The following PIEZO2 variants were observed in gnomAD, a reference collection of about 807,000 sequenced individuals.
PIEZO2 encodes the protein piezo type mechanosensitive ion channel component 2.
In PIEZO2, 172 loss-of-function variants were observed where a neutral mutation model predicts 337.3. The ratio of observed to expected loss-of-function variants is 0.51; its 90% confidence interval spans 0.45 to 0.58. The LOEUF (loss-of-function observed/expected upper bound fraction) is 0.58, where lower values mean the gene tolerates loss of function less well. PIEZO2 is among the 20% of genes least tolerant of loss of function. The pLI, the probability that PIEZO2 is intolerant of heterozygous loss-of-function variation, is 0.00. For synonymous variants in PIEZO2, 1,251 were observed against 1,228.5 expected (o/e 1.02, Z -0.38); for missense variants, 3,028 against 3,391.3 (o/e 0.89, Z 2.66).
At chr18:10,756,017 GGAGGGATGGGGAT>G (rs2037827654) in intron 27 of PIEZO2, among the ~76,000 whole-genome samples, 1 of 145,536 alleles carries the variant, frequency 6.9e-6, no homozygotes, top group Non-Finnish European at 1.5e-5. Context: ...AGAATGAGGA[GGAGGGATGGGGAT>G]AAGGAGGAGG....
rs2144002246 is a variant in PIEZO2, at chr18:10,773,460, C to T, written c.2737G>A (p.Glu913Lys). Residue 913 changes from glutamate to lysine, a missense_variant, in exon 20 of 56, where the codon GAG (glutamate) becomes AAG (lysine). By Grantham distance (56) the Glu-to-Lys change is moderately conservative. This residue lies in a region of PIEZO2 where 1,925 missense variants were observed against 2,051.9 expected (regional missense o/e 0.94). Transcript: ENST00000674853. The surrounding 1 kb of genome is among the most constrained non-coding windows in gnomAD (Gnocchi z 5.3). ...DLGKDSEESE[E>K]DGEEEEESEE... Reference sequence around the variant, plus strand: ...GATTCCTCCTCTTCCTCTCCGTCCTCCTCTGACTCCTCGCTGTCTTTCCCA... The same window carrying T: ...GATTCCTCCTCTTCCTCTCCGTCCTTCTCTGACTCCTCGCTGTCTTTCCCA... 2 of 1,537,440 alleles carry T rather than the reference C, an allele frequency of 1.3e-6. No homozygotes were observed. Among genetic ancestry groups the T allele is most frequent in the Non-Finnish European group, 1.7e-6 (2 of 1,146,966 alleles).
At position 11,001,487 on chromosome 18, in the gene PIEZO2, A is replaced by G. The variant is rs1255696913; in HGVS notation, c.161-21827T>C. ...TCACTGTCAGACAGTGAAAATCACG[A>G]CTGTGATTATCCTCCAGTCCCCTAT... is the stretch of plus-strand genomic sequence containing the variant. On this transcript the variant is annotated intron_variant, in intron 2 of 55. Coordinates refer to ENST00000674853, the MANE Select transcript of PIEZO2 (RefSeq NM_001378183.1). The surrounding 1 kb of genome is among the most constrained non-coding windows in gnomAD (Gnocchi z 5.3). Among the ~76,000 whole-genome samples, 1 of 152,108 alleles carries G rather than the reference A, an allele frequency of 6.6e-6. No homozygotes were observed. The highest frequency in any genetic ancestry group is 2.4e-5 in the African/African-American group (1 of 41,426).
rs1349522964 is a variant in PIEZO2 at position 10,947,633 on chromosome 18, C to T, written c.286+31902G>A. 6.6e-5 allele frequency among the ~76,000 whole-genome samples: 10 copies of T among 151,742 alleles called. No individual in the cohort carries two copies. In the South Asian group the frequency reaches 1.0e-3, roughly 16 times the overall value. ...TCCTTCAGATGGAAGGAAATGATGC[C>T]GAATGAAACTGTGGGGGTACAAAAG... is the stretch of plus-strand genomic sequence containing the variant. On this transcript the variant is annotated intron_variant, in intron 3 of 55. Transcript: ENST00000674853.
intron 1 of PIEZO2, among the ~76,000 whole-genome samples, chr18:11,120,505 T>C (rs1003898819): frequency 1.3e-5 from 2 of 152,034 alleles, no homozygotes; most frequent in Admixed American, 6.6e-5. Flanking sequence ...AGTGCCTTGG[T>C]AGGGGCAAAG....
chr18:10,733,906 T>G (rs1056888933), intron 35 of PIEZO2, among the ~76,000 whole-genome samples: 2 of 152,254 alleles, frequency 1.3e-5, no homozygotes, highest in Admixed American at 1.3e-4. Flanking sequence ...ACCAGTAGCA[T>G]GCGTTCCTGA....
Position 10,862,254 on chromosome 18 carries a change from A to C in PIEZO2, c.493-5043T>G, listed in dbSNP as rs2041894199. ...AAATAAAAATAATAGAATACTGGAAAACATAGATAAAAGTTGCTGATTTCA... is the reference window on the plus strand; with the variant it reads ...AAATAAAAATAATAGAATACTGGAACACATAGATAAAAGTTGCTGATTTCA... On this transcript the variant is annotated intron_variant, in intron 5 of 55. Transcript: ENST00000674853. The surrounding 1 kb of genome is among the most constrained non-coding windows in gnomAD (Gnocchi z 4.4). Among the ~76,000 whole-genome samples the C allele has an allele frequency of 2.0e-5, 3 of 152,290 alleles. 1 individual carries two copies. Among genetic ancestry groups the C allele is most frequent in the Middle Eastern group, 6.8e-3 (2 of 294 alleles).
intron 42 of PIEZO2, among the ~76,000 whole-genome samples, chr18:10,702,404 G>C (rs551147528): frequency 6.6e-6 from 1 of 152,230 alleles, no homozygotes; most frequent in South Asian, 2.1e-4. Context: ...ATCCAGCAAG[G>C]CCAGTCAGAC....
At position 11,031,013 on chromosome 18, in the gene PIEZO2, G is replaced by A. The variant is rs1040835232; in HGVS notation, c.160+35114C>T. 1.3e-5 allele frequency among the ~76,000 whole-genome samples: 2 copies of A among 152,056 alleles called. No individual in the cohort carries two copies. The highest frequency in any genetic ancestry group is 2.4e-5 in the African/African-American group (1 of 41,414). On this transcript the variant is annotated intron_variant, in intron 2 of 55. Transcript: ENST00000674853. This position sits in a 1 kb window ranked among gnomAD's most constrained non-coding sequence, Gnocchi z 4.7. ...ATTTTGTTGTTGTTGTTGTTGAGAC[G>A]GAGTCTTGCTCTGTTGCCCAGGCTG...
At chr18:10,851,992 C>T (rs576657218) in intron 7 of PIEZO2, among the ~76,000 whole-genome samples, 1 of 152,286 alleles carries the variant, frequency 6.6e-6, no homozygotes, top group Admixed American at 6.5e-5. Context: ...CAAAAAACTT[C>T]TGCCCTACAG....
intron 18 of PIEZO2, among the ~76,000 whole-genome samples, chr18:10,774,653 A>G (rs116448026): frequency 0.015 from 2,287 of 152,354 alleles, 39 homozygotes; most frequent in African/African-American, 0.052. Flanking sequence ...TTAGTGGACC[A>G]TAACAAGTCC....
intron 12 of PIEZO2, 41 bp downstream of exon 12, chr18:10,797,330 ATAT>A: frequency 2.2e-6 from 3 of 1,352,616 alleles, no homozygotes; most frequent in Non-Finnish European, 3.0e-6. Context: ...CCATCATATC[ATAT>A]TATACATATC....
chr18:10,972,320 T>C (rs868762242), intron 3 of PIEZO2, among the ~76,000 whole-genome samples: 2 of 152,038 alleles, frequency 1.3e-5, no homozygotes, highest in Non-Finnish European at 2.9e-5. Context: ...AGGTAATAAA[T>C]AGTGAATAAT....
At position 10,759,803 on chromosome 18, in the gene PIEZO2, G is replaced by T. The variant is rs1224334354; in HGVS notation, c.3557C>A (p.Ala1186Asp). ...IAVLYRRRRK[A>D]IAEIWPKYCC... ...GTACTTGGGCCAGATCTCTGCGATG[G>T]CTTTCCTTCTGCGTCTATATAAGAC... The change falls in exon 25 of 56, where the codon GCC (alanine) becomes GAC (aspartate). Residue 1186 changes from alanine to aspartate, a missense_variant. Ala to Asp is a moderately radical substitution (Grantham distance 126, BLOSUM62 -2). Transcript: ENST00000674853. The surrounding 1 kb of genome is among the most constrained non-coding windows in gnomAD (Gnocchi z 5.5). 2 of 1,537,340 alleles carry T rather than the reference G, an allele frequency of 1.3e-6. No individual in the cohort carries two copies. Among genetic ancestry groups the T allele is most frequent in the Non-Finnish European group, 1.7e-6 (2 of 1,146,920 alleles).
At chr18:10,886,423 TGTA>T (rs1568165800) in intron 4 of PIEZO2, among the ~76,000 whole-genome samples, 4 of 62,334 alleles carry the variant, frequency 6.4e-5, no homozygotes, top group African/African-American at 1.7e-4. Flanking sequence ...TATATATATA[TGTA>T]ATCTCCAGCA....
chr18:10,827,844 G>A (rs1196441580), intron 7 of PIEZO2, among the ~76,000 whole-genome samples: 3 of 152,020 alleles, frequency 2.0e-5, no homozygotes, highest in Non-Finnish European at 4.4e-5. Context: ...CATGTTAAGG[G>A]GCTTCTTGAT....
At chr18:10,923,232 T>C (rs2031533485) in intron 3 of PIEZO2, among the ~76,000 whole-genome samples, 1 of 152,210 alleles carries the variant, frequency 6.6e-6, no homozygotes, top group African/African-American at 2.4e-5. Flanking sequence ...CTCTGGTTTA[T>C]ATGAAATTCT....
At position 10,942,207 on chromosome 18, in the gene PIEZO2, C is replaced by T. The variant is rs564034510; in HGVS notation, c.287-30979G>A. Among the ~76,000 whole-genome samples, 28 of 152,062 alleles carry T rather than the reference C, an allele frequency of 1.8e-4. No individual in the cohort carries two copies. Among genetic ancestry groups the T allele is most frequent in the Non-Finnish European group, 3.1e-4 (21 of 68,010 alleles). ...GTAAATTGGTACCAGTAGGGTGGGG[C>T]GCTGCTGAAAAGATATCCCAAAATG... is the stretch of plus-strand genomic sequence containing the variant. On this transcript the variant is annotated intron_variant, in intron 3 of 55. Coordinates refer to ENST00000674853, the MANE Select transcript of PIEZO2 (RefSeq NM_001378183.1). This position sits in a 1 kb window ranked among gnomAD's most constrained non-coding sequence, Gnocchi z 4.4.
At position 10,704,669 on chromosome 18, in the gene PIEZO2, C is replaced by T. The variant is rs1243612886; in HGVS notation, c.6000-17G>A. The T allele has an allele frequency of 1.3e-6, 2 of 1,531,034 alleles. No homozygotes were observed. The highest frequency in any genetic ancestry group is 1.2e-5 in the South Asian group (1 of 83,818). 94.8% of individuals were successfully genotyped at this position (1,531,034 alleles called of 1,614,324 possible). A position where few individuals can be genotyped will look rare whatever the true frequency, so the allele number is the denominator to read the frequency against. On this transcript the variant is annotated splice_polypyrimidine_tract_variant and intron_variant, in intron 41 of 55. Coordinates refer to ENST00000674853, the MANE Select transcript of PIEZO2 (RefSeq NM_001378183.1). ...TGAAACATCCTGTTAAAGCAAACCA[C>T]ATGATAATATGTCTATTTTTTTTCT... is the stretch of plus-strand genomic sequence containing the variant.
chr18:10,869,309 C>T (rs946767152), intron 5 of PIEZO2, among the ~76,000 whole-genome samples: 2 of 152,100 alleles, frequency 1.3e-5, no homozygotes, highest in African/African-American at 4.8e-5. Context: ...TTATCCTTTC[C>T]CCTCCTTCTA....
Sources: allele counts gnomAD v4.1 joint callset (sites outside exome capture counted in the v4.1 genomes callset), GRCh38; gene constraint gnomAD v4.1.1; regional missense constraint gnomAD v4.1.1; non-coding constraint Gnocchi (gnomAD v3.1); transcripts MANE v1.5; gene names NCBI Gene and HGNC (gene_info 2026-07-23, HGNC 2026-07-21).